Variants in SUSD4 observed in about 807,000 individuals in gnomAD.
SUSD4 encodes the protein sushi domain-containing protein 4.
Under a neutral mutation model 50.5 loss-of-function variants are expected in SUSD4, and 41 were observed. The observed-to-expected ratio is 0.81, with a 90% CI of 0.63 to 1.05. The LOEUF (loss-of-function observed/expected upper bound fraction) is 1.05, where lower values mean the gene tolerates loss of function less well. SUSD4 is among the 50% of genes least tolerant of loss of function. The probability of loss-of-function intolerance (pLI) is 0.00; values close to 1 mark genes in which losing one functional copy is unlikely to be tolerated. For missense variants in SUSD4, 580 were observed against 634.7 expected (o/e 0.91, Z 0.93); for synonymous variants, 257 against 257.3 (o/e 1.00, Z 0.01).
chr1:223,317,038 C>A (rs66531524), intron 2 of SUSD4, among the ~76,000 whole-genome samples: 82,056 of 151,958 alleles, frequency 0.54, 22,165 homozygotes, highest in African/African-American at 0.58. Flanking sequence ...TCCATCTTGA[C>A]TAGGAGCTGG....
chr1:223,259,614 T>C (rs1184177010), intron 5 of SUSD4, among the ~76,000 whole-genome samples: 1 of 152,196 alleles, frequency 6.6e-6, no homozygotes, highest in Non-Finnish European at 1.5e-5. Context: ...ATGTTCCAGA[T>C]ACTAACGGGT....
rs375061104 is a variant in SUSD4 at position 223,327,847 on chromosome 1, T to C, written c.149-35196A>G. Among the ~76,000 whole-genome samples, 17 of 152,288 alleles carry C rather than the reference T, an allele frequency of 1.1e-4. No individual in the cohort carries two copies. In the South Asian group the frequency reaches 2.9e-3, roughly 26 times the overall value. On this transcript the variant is annotated intron_variant, in intron 2 of 8. Coordinates refer to ENST00000366878, the MANE Select transcript of SUSD4 (RefSeq NM_017982.4). ...AATTCGTTAAGAGGTTGCATTTAAGTACAAAATCTCCTTGGTCAAACCCTC... is the reference window on the plus strand; with the variant it reads ...AATTCGTTAAGAGGTTGCATTTAAGCACAAAATCTCCTTGGTCAAACCCTC...
At chr1:223,256,425 C>T (rs971551742) in intron 5 of SUSD4, among the ~76,000 whole-genome samples, 1 of 152,196 alleles carries the variant, frequency 6.6e-6, no homozygotes, top group African/African-American at 2.4e-5. Context: ...TGTCTAGAGG[C>T]TGACTAAAGA....
intron 5 of SUSD4, among the ~76,000 whole-genome samples, chr1:223,236,607 G>C (rs187350547): frequency 5.0e-4 from 76 of 151,216 alleles, no homozygotes; most frequent in African/African-American, 1.8e-3. Flanking sequence ...TTGTTGAAAA[G>C]TCTGTCTTTG....
chr1:223,280,151 A>G (rs1663597858), intron 3 of SUSD4, among the ~76,000 whole-genome samples: 1 of 152,244 alleles, frequency 6.6e-6, no homozygotes, highest in Admixed American at 6.5e-5. Flanking sequence ...TGTAAAGACC[A>G]TCGATGCTAG....
At chr1:223,264,408 T>C in intron 5 of SUSD4, 1 of 1,259,850 alleles carries the variant, frequency 7.9e-7, no homozygotes, top group Non-Finnish European at 1.0e-6. Flanking sequence ...TTTTCTTTTA[T>C]CTGCTCTCCT....
In SUSD4 at chr1:223,227,561, C is replaced by T. The variant is rs749851544; in HGVS notation, c.1061+33G>A. On this transcript the variant is annotated intron_variant, in intron 7 of 8. Coordinates refer to ENST00000366878, the MANE Select transcript of SUSD4 (RefSeq NM_017982.4). The surrounding 1 kb of genome is among the most constrained non-coding windows in gnomAD (Gnocchi z 4.5). ...TAAGGGTAGCTGCATTGAGTCAGACCTTGAGCCACAGCTGCCAAGACATGA... is the reference window on the plus strand; with the variant it reads ...TAAGGGTAGCTGCATTGAGTCAGACTTTGAGCCACAGCTGCCAAGACATGA... The T allele has an allele frequency of 1.9e-6, 3 of 1,606,966 alleles. No individual in the cohort carries two copies. The highest frequency in any genetic ancestry group is 1.3e-5 in the African/African-American group (1 of 74,832).
chr1:223,338,545 C>CACGACACCTTTTAA (rs1667580220), intron 2 of SUSD4, among the ~76,000 whole-genome samples: 1 of 152,222 alleles, frequency 6.6e-6, no homozygotes, highest in Non-Finnish European at 1.5e-5. Flanking sequence ...TGGAACAACT[C>CACGACACCTTTTAA]TGTTCACCAC....
chr1:223,265,428 G>T (rs976873048), intron 4 of SUSD4, among the ~76,000 whole-genome samples: 2 of 152,092 alleles, frequency 1.3e-5, no homozygotes, highest in African/African-American at 4.8e-5. Context: ...AGAATGATCC[G>T]GAGGGCTTGT....
chr1:223,318,835 C>T lies in SUSD4; in HGVS notation c.149-26184G>A, dbSNP rs1266624552. Among the ~76,000 whole-genome samples, 114 of 124,040 alleles carry T rather than the reference C, an allele frequency of 9.2e-4. 1 individual carries two copies. Among genetic ancestry groups the T allele is most frequent in the African/African-American group, 2.7e-3 (88 of 32,296 alleles). 81.4% of individuals were successfully genotyped at this position (124,040 alleles called of 152,430 possible). On this transcript the variant is annotated intron_variant, in intron 2 of 8. Coordinates refer to ENST00000366878, the MANE Select transcript of SUSD4 (RefSeq NM_017982.4). ...GTTCATATGGAACCAAAAAAGAGCCCGCATCGCCAAGTCAATCCTAAGCCA... is the reference window on the plus strand; with the variant it reads ...GTTCATATGGAACCAAAAAAGAGCCTGCATCGCCAAGTCAATCCTAAGCCA...
At chr1:223,243,900 G>A (rs1364511397) in intron 5 of SUSD4, among the ~76,000 whole-genome samples, 3 of 152,210 alleles carry the variant, frequency 2.0e-5, no homozygotes, top group Non-Finnish European at 4.4e-5. Context: ...TGGACTTTCT[G>A]AAATAAGAGC....
At chr1:223,301,027 T>A (rs1443481982) in intron 2 of SUSD4, among the ~76,000 whole-genome samples, 2 of 152,208 alleles carry the variant, frequency 1.3e-5, no homozygotes, top group Non-Finnish European at 2.9e-5. Flanking sequence ...GGGACTAAAC[T>A]CTGAGGCTTC....
chr1:223,321,635 T>C (rs1306079658), intron 2 of SUSD4, among the ~76,000 whole-genome samples: 2 of 152,194 alleles, frequency 1.3e-5, no homozygotes, highest in African/African-American at 2.4e-5. Context: ...TGGAATCATG[T>C]GTTTGTGGAT....
In SUSD4 at chr1:223,222,103, C is replaced by T; in HGVS notation, c.*89G>A. 2 of 1,396,238 alleles carry T rather than the reference C, an allele frequency of 1.4e-6. No homozygotes were observed. The highest frequency in any genetic ancestry group is 2.4e-5 in the East Asian group (1 of 42,206). The allele number at this position is 1,396,238 out of a possible 1,614,324, so 86.5% of individuals were successfully genotyped here. A position where few individuals can be genotyped will look rare whatever the true frequency, so the allele number is the denominator to read the frequency against. The stretch of plus-strand genomic sequence containing the variant: ...CATGTAGACAAGTTAGACATTTTGC[C>T]CCCAGGCTCTATCCTTCTGTGACCT... On this transcript the variant is annotated 3_prime_UTR_variant, in exon 9 of 9. Coordinates refer to ENST00000366878, the MANE Select transcript of SUSD4 (RefSeq NM_017982.4).
At chr1:223,298,913 A>C (rs1476229142) in intron 2 of SUSD4, among the ~76,000 whole-genome samples, 14 of 152,212 alleles carry the variant, frequency 9.2e-5, no homozygotes, top group Admixed American at 9.2e-4. Context: ...CGGTGACAGC[A>C]TTGAGGATCA....
At chr1:223,358,549 A>C (rs1668793848) in intron 2 of SUSD4, among the ~76,000 whole-genome samples, 1 of 152,226 alleles carries the variant, frequency 6.6e-6, no homozygotes, top group Non-Finnish European at 1.5e-5. Context: ...CCAGGAACAG[A>C]ATAATTTAGG....
At chr1:223,234,344 C>A (rs554256236) in intron 5 of SUSD4, among the ~76,000 whole-genome samples, 11 of 152,180 alleles carry the variant, frequency 7.2e-5, no homozygotes, top group Non-Finnish European at 1.5e-4. Context: ...CCAACACAAA[C>A]ACCAGCCTCT....
At chr1:223,290,147 G>A (rs930453595) in intron 3 of SUSD4, among the ~76,000 whole-genome samples, 2 of 152,164 alleles carry the variant, frequency 1.3e-5, no homozygotes, top group African/African-American at 4.8e-5. Flanking sequence ...AGCCTTCTAA[G>A]AATTACCTGG....
chr1:223,318,148 G>A (rs28759302), intron 2 of SUSD4, among the ~76,000 whole-genome samples: 3 of 34,156 alleles, frequency 8.8e-5, no homozygotes, highest in Non-Finnish European at 1.1e-4. Flanking sequence ...GAGAATGATG[G>A]TTTCCAATTT....
Sources: gnomAD v4.1 joint callset for allele counts (sites outside exome capture counted in the v4.1 genomes callset) on GRCh38, gnomAD v4.1.1 for gene constraint, Gnocchi (gnomAD v3.1) non-coding constraint, MANE v1.5 for transcripts, NCBI Gene and HGNC (gene_info 2026-07-23, HGNC 2026-07-21) for gene names.